Variants in ROBO1 observed in about 807,000 individuals in gnomAD.
The protein encoded by ROBO1 is roundabout homolog 1.
In ROBO1, 149 loss-of-function variants were observed where a neutral mutation model predicts 195.9. That is an observed-to-expected ratio of 0.76 (90% CI 0.67 to 0.87). The LOEUF (loss-of-function observed/expected upper bound fraction) is 0.87. ROBO1 is among the 40% of genes least tolerant of loss of function. ROBO1 has a pLI of 0.00. For synonymous variants in ROBO1, 816 were observed against 733.2 expected, an observed-to-expected ratio of 1.11 and a Z score of -1.82; for missense variants, 1,933 against 2,068.3, an observed-to-expected ratio of 0.93 and a Z score of 1.27.
At chr3:78,947,517 C>G (rs1482375346) in intron 3 of ROBO1, among the ~76,000 whole-genome samples, 1 of 152,072 alleles carries the variant, frequency 6.6e-6, no homozygotes, top group African/African-American at 2.4e-5. Context: ...GGGACACATT[C>G]AAAGCAGTGT....
intron 3 of ROBO1, among the ~76,000 whole-genome samples, chr3:79,039,958 A>G (rs1462937031): frequency 6.6e-6 from 1 of 152,206 alleles, no homozygotes; most frequent in Non-Finnish European, 1.5e-5. Flanking sequence ...TAATACATAT[A>G]AATTATCTGA....
At chr3:79,031,462 G>A (rs942286226) in intron 3 of ROBO1, among the ~76,000 whole-genome samples, 3 of 152,146 alleles carry the variant, frequency 2.0e-5, no homozygotes, top group African/African-American at 7.2e-5. Context: ...AAAATAAAAT[G>A]CTTAGGTGCA....
intron 3 of ROBO1, among the ~76,000 whole-genome samples, chr3:78,952,835 G>T (rs2040859256): frequency 6.6e-6 from 1 of 151,938 alleles, no homozygotes; most frequent in African/African-American, 2.4e-5. Flanking sequence ...AATGTCTCTT[G>T]ATTATAAACT....
intron 2 of ROBO1, among the ~76,000 whole-genome samples, chr3:79,547,184 CAAAAAA>C (rs1162585941): frequency 3.6e-3 from 83 of 23,264 alleles, no homozygotes; most frequent in Non-Finnish European, 4.2e-3. Flanking sequence ...GACTCCGCCT[CAAAAAA>C]AAAAAAAAAA....
chr3:79,750,676 C>T (rs1377638222), intron 1 of ROBO1, among the ~76,000 whole-genome samples: 1 of 152,218 alleles, frequency 6.6e-6, no homozygotes, highest in Non-Finnish European at 1.5e-5. Flanking sequence ...TCTTTGGCTG[C>T]TGCCATCCAC....
chr3:79,722,346 C>A (rs1702743636), intron 1 of ROBO1, among the ~76,000 whole-genome samples: 1 of 152,160 alleles, frequency 6.6e-6, no homozygotes, highest in African/African-American at 2.4e-5. Flanking sequence ...TTCCAGCTAT[C>A]ATTTTATTGT....
intron 2 of ROBO1, among the ~76,000 whole-genome samples, chr3:79,137,481 A>G (rs1044691300): frequency 6.6e-5 from 10 of 152,028 alleles, no homozygotes; most frequent in Non-Finnish European, 1.2e-4. Context: ...AATGAATCAA[A>G]TGTGAAAAAA....
intron 1 of ROBO1, among the ~76,000 whole-genome samples, chr3:79,686,792 C>T (rs1324755202): frequency 6.6e-6 from 1 of 152,160 alleles, no homozygotes; most frequent in Non-Finnish European, 1.5e-5. Flanking sequence ...GCCATACTGC[C>T]TAAGGTAATT....
At chr3:79,455,763 G>A (rs1019316420) in intron 2 of ROBO1, among the ~76,000 whole-genome samples, 3 of 152,064 alleles carry the variant, frequency 2.0e-5, no homozygotes, top group Admixed American at 6.6e-5. Context: ...TTTCTGCCAT[G>A]AAGTCTAAGT....
intron 5 of ROBO1, among the ~76,000 whole-genome samples, chr3:78,728,014 G>A (rs189086147): frequency 2.7e-4 from 41 of 151,908 alleles, no homozygotes; most frequent in African/African-American, 9.9e-4. Context: ...TTTTATTTTA[G>A]ATTAAATAAA....
chr3:78,760,461 TCTAA>T (rs1465706298), intron 4 of ROBO1, among the ~76,000 whole-genome samples: 3 of 152,270 alleles, frequency 2.0e-5, no homozygotes, highest in Admixed American at 1.3e-4. Context: ...AGCCCAGTAC[TCTAA>T]CTAATTTAGT....
intron 2 of ROBO1, among the ~76,000 whole-genome samples, chr3:79,267,465 A>G (rs914418125): frequency 1.9e-4 from 29 of 151,366 alleles, no homozygotes; most frequent in Admixed American, 1.7e-3. Flanking sequence ...TACTCCCTCC[A>G]TTAGTCTATG....
chr3:79,528,099 C>T (rs2107602269), intron 2 of ROBO1, among the ~76,000 whole-genome samples: 1 of 152,260 alleles, frequency 6.6e-6, no homozygotes, highest in Middle Eastern at 3.4e-3. Context: ...TTCATCACCA[C>T]ATATGAATAC....
At chr3:79,639,892 T>G (rs541664324) in intron 1 of ROBO1, among the ~76,000 whole-genome samples, 1 of 152,320 alleles carries the variant, frequency 6.6e-6, no homozygotes, top group South Asian at 2.1e-4. Context: ...ACCCATAGTT[T>G]CAGATGTTTC....
At chr3:78,843,428 A>G (rs1302980168) in intron 4 of ROBO1, among the ~76,000 whole-genome samples, 1 of 152,014 alleles carries the variant, frequency 6.6e-6, no homozygotes, top group East Asian at 1.9e-4. Flanking sequence ...TTTTTTAGGT[A>G]TATACTTGGC....
chr3:78,799,473 C>T (rs547440431), intron 4 of ROBO1, among the ~76,000 whole-genome samples: 1 of 152,184 alleles, frequency 6.6e-6, no homozygotes, highest in East Asian at 1.9e-4. Flanking sequence ...TCCTGAGTAG[C>T]TGGGACTACA....
In ROBO1 at chr3:78,617,716, C is replaced by T. The variant is rs1439800939; in HGVS notation, c.4201G>A (p.Ala1401Thr). Residue 1401 changes from alanine (A) to threonine (T), a missense_variant, in exon 27 of 31, where the codon GCT (alanine) becomes ACT (threonine). Around this residue, in one of 3 missense-constraint regions of ROBO1, gnomAD observed 1,737 missense variants for 1,882.5 expected, o/e 0.92. Transcript: ENST00000464233. ...GCTGCGACTGCCTGGGCAAAGTCAG[C>T]ATCAGTGAAAAAGGAGCCGTCCGAA... ...SSSDGSFFTDADFAQAVAAAA... is the reference protein window; with the variant it reads ...SSSDGSFFTDTDFAQAVAAAA... 1.2e-6 allele frequency: 2 copies of T among 1,613,850 alleles called. No individual in the cohort carries two copies. Among genetic ancestry groups the T allele is most frequent in the African/African-American group, 1.3e-5 (1 of 74,920 alleles).
intron 2 of ROBO1, among the ~76,000 whole-genome samples, chr3:79,453,631 A>G (rs1339394589): frequency 1.3e-5 from 2 of 152,074 alleles, no homozygotes; most frequent in African/African-American, 4.8e-5. Flanking sequence ...TCATAATTCT[A>G]ACTGAATGTA....
chr3:79,359,850 A>G (rs532367952), intron 2 of ROBO1, among the ~76,000 whole-genome samples: 1 of 152,060 alleles, frequency 6.6e-6, no homozygotes, highest in Non-Finnish European at 1.5e-5. Context: ...ATACTTCAAG[A>G]GGTCAAAAAG....
Sources: gnomAD v4.1 joint callset for allele counts (sites outside exome capture counted in the v4.1 genomes callset) on GRCh38, gnomAD v4.1.1 for gene constraint, gnomAD v4.1.1 regional missense constraint, MANE v1.5 for transcripts, NCBI Gene and HGNC (gene_info 2026-07-23, HGNC 2026-07-21) for gene names.